Variants in AKAIN1 observed in about 807,000 individuals in gnomAD.
AKAIN1 encodes the protein A-kinase anchor inhibitor 1, also known as A-kinase anchor protein inhibitor 1.
Under a neutral mutation model 3.7 loss-of-function variants are expected in AKAIN1, and 3 were observed. That is an observed-to-expected ratio of 0.82 (90% CI 0.37 to 2.12). AKAIN1 has a LOEUF of 2.12. Among genes scored for constraint, AKAIN1 ranks in the 30% most tolerant of loss-of-function variants. AKAIN1 has a pLI of 0.06. For missense variants in AKAIN1, 82 were observed against 82.7 expected (o/e 0.99, Z 0.03); for synonymous variants, 31 against 30.8 (o/e 1.01, Z -0.02).
chr18:5,155,554 G>T (rs1377046487), intron 1 of AKAIN1, among the ~76,000 whole-genome samples: 1 of 152,148 alleles, frequency 6.6e-6, no homozygotes, highest in East Asian at 1.9e-4. Context: ...TGCCCTGCAG[G>T]CTGTAGCCCT....
chr18:5,166,520 T>C (rs977509163), intron 1 of AKAIN1, among the ~76,000 whole-genome samples: 5 of 152,042 alleles, frequency 3.3e-5, no homozygotes, highest in African/African-American at 1.2e-4. Flanking sequence ...AATCCAATTC[T>C]CAGAGCCACC....
chr18:5,154,789 T>G (rs1233296058), intron 1 of AKAIN1, among the ~76,000 whole-genome samples: 1 of 152,074 alleles, frequency 6.6e-6, no homozygotes, highest in Non-Finnish European at 1.5e-5. Flanking sequence ...CCCCTCCCTT[T>G]TACGTTCCAA....
At chr18:5,178,637 G>T (rs927361865) in intron 1 of AKAIN1, among the ~76,000 whole-genome samples, 1 of 152,188 alleles carries the variant, frequency 6.6e-6, no homozygotes, top group Non-Finnish European at 1.5e-5. Flanking sequence ...TGCACAAGGA[G>T]ATGGAGAATA....
At chr18:5,169,890 T>C (rs1000703664) in intron 1 of AKAIN1, among the ~76,000 whole-genome samples, 1 of 152,182 alleles carries the variant, frequency 6.6e-6, no homozygotes, top group African/African-American at 2.4e-5. Context: ...ACATGATAGC[T>C]AATGCCTGGT....
intron 1 of AKAIN1, among the ~76,000 whole-genome samples, chr18:5,168,176 T>G (rs2071177169): frequency 6.6e-6 from 1 of 152,120 alleles, no homozygotes; most frequent in Non-Finnish European, 1.5e-5. Flanking sequence ...AATCTTGATG[T>G]GAATGAGTAG....
intron 1 of AKAIN1, among the ~76,000 whole-genome samples, chr18:5,170,112 T>C (rs1207849070): frequency 6.6e-6 from 1 of 152,142 alleles, no homozygotes; most frequent in East Asian, 1.9e-4. Context: ...TGTGGCAAAA[T>C]ATGTGGCACT....
chr18:5,143,664 GAA>G lies in AKAIN1; in HGVS notation c.*1896_*1897del, dbSNP rs2071033271. Reference sequence around the variant, plus strand: ...AAAATGAGCCAAACGGCAGAGTCTAGAAAACTTTGCTTAAGATATTTCAAAGC... The same window carrying G: ...AAAATGAGCCAAACGGCAGAGTCTAGAACTTTGCTTAAGATATTTCAAAGC... On this transcript the variant is annotated 3_prime_UTR_variant, in exon 2 of 2. Transcript: ENST00000434239. Among the ~76,000 whole-genome samples, 1 of 152,110 alleles carries G rather than the reference GAA, an allele frequency of 6.6e-6. No homozygotes were observed. The highest frequency in any genetic ancestry group is 1.5e-5 in the Non-Finnish European group (1 of 68,020).
chr18:5,154,715 C>T (rs2071097373), intron 1 of AKAIN1, among the ~76,000 whole-genome samples: 1 of 151,916 alleles, frequency 6.6e-6, no homozygotes, highest in African/African-American at 2.4e-5. Context: ...TCTTCCCTAA[C>T]GATTAAACAG....
In AKAIN1 at chr18:5,145,302, T is replaced by C. The variant is rs1167858443; in HGVS notation, c.*260A>G. 1.0e-4 allele frequency: 34 copies of C among 339,846 alleles called. No homozygotes were observed. Among genetic ancestry groups the C allele is most frequent in the Admixed American group, 8.7e-5 (2 of 22,882 alleles). The allele number at this position is 339,846 out of a possible 1,614,324, so 21.1% of individuals were successfully genotyped here. On this transcript the variant is annotated 3_prime_UTR_variant, in exon 2 of 2. Transcript: ENST00000434239. ...CAAATAAAAGAACTTTAAAAATAAATTGGCCTGCAAAACTACTTTTGCAAT... is the reference window on the plus strand; with the variant it reads ...CAAATAAAAGAACTTTAAAAATAAACTGGCCTGCAAAACTACTTTTGCAAT...
chr18:5,168,101 G>T (rs2071176696), intron 1 of AKAIN1, among the ~76,000 whole-genome samples: 1 of 151,920 alleles, frequency 6.6e-6, no homozygotes, highest in Non-Finnish European at 1.5e-5. Flanking sequence ...CCAGAATTTT[G>T]CTCCTTTTGT....
At chr18:5,172,823 A>T (rs2071205330) in intron 1 of AKAIN1, among the ~76,000 whole-genome samples, 1 of 152,066 alleles carries the variant, frequency 6.6e-6, no homozygotes. Flanking sequence ...ACATTTTAAG[A>T]CTTAATATTA....
Position 5,144,182 on chromosome 18 carries a change from C to T in AKAIN1, c.*1380G>A, listed in dbSNP as rs2071036124. On this transcript the variant is annotated 3_prime_UTR_variant, in exon 2 of 2. Transcript: ENST00000434239. ...CAAAGCTGGTAAGATATTTTTCATT[C>T]ATTATCTATTATCCAACTATTTATT... Among the ~76,000 whole-genome samples, 1 of 152,042 alleles carries T rather than the reference C, an allele frequency of 6.6e-6. No individual in the cohort carries two copies. The highest frequency in any genetic ancestry group is 2.4e-5 in the African/African-American group (1 of 41,402).
At chr18:5,185,361 A>G (rs533524528) in intron 1 of AKAIN1, among the ~76,000 whole-genome samples, 80 of 152,210 alleles carry the variant, frequency 5.3e-4, no homozygotes, top group Non-Finnish European at 1.0e-3. Flanking sequence ...TAATTAAACT[A>G]AAGAGCTTTT....
chr18:5,187,910 T>C (rs73388657), intron 1 of AKAIN1, among the ~76,000 whole-genome samples: 6,498 of 152,142 alleles, frequency 0.043, 441 homozygotes, highest in East Asian at 0.3. Flanking sequence ...TGAGGCAAAT[T>C]CCCTCTAGCT....
At chr18:5,190,989 T>C (rs1011830307) in intron 1 of AKAIN1, among the ~76,000 whole-genome samples, 1 of 152,122 alleles carries the variant, frequency 6.6e-6, no homozygotes, top group Non-Finnish European at 1.5e-5. Context: ...CTATTGATGA[T>C]AAAATCTCTC....
intron 1 of AKAIN1, among the ~76,000 whole-genome samples, chr18:5,165,607 T>C (rs2071163322): frequency 6.6e-6 from 1 of 152,036 alleles, no homozygotes; most frequent in Non-Finnish European, 1.5e-5. Context: ...ATAGAGAGCT[T>C]GACTCAGACG....
chr18:5,158,881 A>G (rs144897964), intron 1 of AKAIN1, among the ~76,000 whole-genome samples: 1 of 152,330 alleles, frequency 6.6e-6, no homozygotes. Flanking sequence ...TTTTCTTACA[A>G]CTAAACTACA....
chr18:5,166,939 T>A (rs2071170960), intron 1 of AKAIN1, among the ~76,000 whole-genome samples: 1 of 152,106 alleles, frequency 6.6e-6, no homozygotes, highest in Non-Finnish European at 1.5e-5. Context: ...ATAGTTGGCT[T>A]GGGTGACAGT....
At chr18:5,181,745 G>A (rs887404506) in intron 1 of AKAIN1, among the ~76,000 whole-genome samples, 1 of 152,114 alleles carries the variant, frequency 6.6e-6, no homozygotes, top group Non-Finnish European at 1.5e-5. Context: ...CTGCATGGTT[G>A]TTTCACCAAC....
Sources: allele counts gnomAD v4.1 joint callset (sites outside exome capture counted in the v4.1 genomes callset), GRCh38; gene constraint gnomAD v4.1.1; transcripts MANE v1.5; gene names NCBI Gene and HGNC (gene_info 2026-07-23, HGNC 2026-07-21).